Variants in ELP1 observed in about 807,000 individuals in gnomAD.
ELP1 encodes the protein elongator acetyltransferase complex subunit 1.
Under a neutral mutation model 183.2 loss-of-function variants are expected in ELP1, and 131 were observed. The ratio of observed to expected loss-of-function variants is 0.72; its 90% CI spans 0.62 to 0.83. The LOEUF is 0.83. Ranked by LOEUF, ELP1 falls within the 40% of genes least tolerant of loss-of-function variation. The pLI, the probability that ELP1 is intolerant of heterozygous loss-of-function variation, is 0.00. For missense variants in ELP1, 1,550 were observed against 1,594.9 expected, an observed-to-expected ratio of 0.97 and a Z score of 0.48; for synonymous variants, 555 against 569.0, an observed-to-expected ratio of 0.98 and a Z score of 0.35.
intron 13 of ELP1, among the ~76,000 whole-genome samples, chr9:108,907,565 C>T (rs1829065745): frequency 1.3e-5 from 2 of 152,094 alleles, no homozygotes; most frequent in Admixed American, 1.3e-4. Context: ...ATTAATCTAA[C>T]AATAAATGTT....
chr9:108,913,281 TTA>T (rs1324084923), intron 10 of ELP1, among the ~76,000 whole-genome samples: 1 of 152,198 alleles, frequency 6.6e-6, no homozygotes, highest in Non-Finnish European at 1.5e-5. Flanking sequence ...TTGCAAGCAC[TTA>T]TGTTCAAGGC....
chr9:108,894,256 C>T (rs1487163303), intron 25 of ELP1, among the ~76,000 whole-genome samples, 190 bp from the exon 26 acceptor site: 1 of 152,110 alleles, frequency 6.6e-6, no homozygotes, highest in Non-Finnish European at 1.5e-5. Flanking sequence ...GAATTGGTTC[C>T]AGGACACCCC....
At chr9:108,926,325 C>A (rs1251025451) in intron 5 of ELP1, among the ~76,000 whole-genome samples, 198 bp downstream of exon 5, 1 of 152,176 alleles carries the variant, frequency 6.6e-6, no homozygotes, top group Admixed American at 6.5e-5. Context: ...TGACCTTAAA[C>A]CCTCAGACCT....
chr9:108,912,569 G>A, intron 10 of ELP1, 75 bp from the exon 11 acceptor site: 1 of 1,038,180 alleles, frequency 9.6e-7, no homozygotes, highest in African/African-American at 1.6e-5. Flanking sequence ...AGGGGTTCAA[G>A]GGCAATCTTT....
chr9:108,926,450 A>ATTTG (rs922713993), intron 5 of ELP1, 73 bp downstream of exon 5: 2 of 1,083,278 alleles, frequency 1.8e-6, no homozygotes, highest in African/African-American at 3.1e-5. Context: ...TGACATGGCT[A>ATTTG]TTAGTGCACA....
intron 1 of ELP1, among the ~76,000 whole-genome samples, chr9:108,932,459 A>G (rs1464177182): frequency 1.3e-5 from 2 of 152,074 alleles, no homozygotes; most frequent in African/African-American, 4.8e-5. Context: ...CTCCTGCCTC[A>G]GCCTCCGGAG....
rs1303270517 is a variant in ELP1, at chr9:108,867,632, CAA to C, written c.*1481_*1482del. ...AGTTACCATGCTTATTTACCCATGCCAAAGAGTGATTACAAAGTACTTGCAGC... is the reference window on the plus strand; with the variant it reads ...AGTTACCATGCTTATTTACCCATGCCAGAGTGATTACAAAGTACTTGCAGC... On this transcript the variant is annotated 3_prime_UTR_variant, in exon 37 of 37. Transcript: ENST00000374647. 6.6e-6 allele frequency: 1 copy of C among 152,198 alleles called. No homozygotes were observed. Among genetic ancestry groups the C allele is most frequent in the Non-Finnish European group, 1.5e-5 (1 of 68,042 alleles). The allele number at this position is 152,198 out of a possible 1,614,324, so 9.4% of individuals were successfully genotyped here. A position where few individuals can be genotyped will look rare whatever the true frequency, so the allele number is the denominator to read the frequency against.
chr9:108,884,067 G>C (rs925020739), intron 29 of ELP1, among the ~76,000 whole-genome samples: 13 of 150,324 alleles, frequency 8.6e-5, no homozygotes, highest in Non-Finnish European at 1.5e-5. Flanking sequence ...ACTACATTCA[G>C]CTAGATTAAA....
At chr9:108,872,358 A>G (rs900121201) in intron 36 of ELP1, among the ~76,000 whole-genome samples, 11 of 152,178 alleles carry the variant, frequency 7.2e-5, no homozygotes, top group Admixed American at 1.3e-4. Context: ...ATTTAATACT[A>G]CATCTTTATG....
intron 29 of ELP1, among the ~76,000 whole-genome samples, chr9:108,883,673 A>C (rs925061786): frequency 3.9e-5 from 6 of 152,196 alleles, no homozygotes; most frequent in African/African-American, 1.4e-4. Context: ...TACTCTTGTA[A>C]GGTTTTTACA....
rs776303530 is a variant in ELP1, at chr9:108,869,071, G to A, written c.*44C>T. ...AGGGGTGGTAGGACAACAGGAATGA[G>A]TGGAAATGGTCTTCTCTGTCGGATC... On this transcript the variant is annotated 3_prime_UTR_variant, in exon 37 of 37. Coordinates refer to ENST00000374647, the MANE Select transcript of ELP1 (RefSeq NM_003640.5). 4 of 1,543,296 alleles carry A rather than the reference G, an allele frequency of 2.6e-6. No homozygotes were observed. In the South Asian group the frequency reaches 4.5e-5, roughly 17 times the overall value.
At position 108,896,455 on chromosome 9, in the gene ELP1, A is replaced by G. The variant is rs761928827; in HGVS notation, c.2736+41T>C. ...GCAGGGTTTCACACTATCATTATAT[A>G]AACAAGAACCAAATGGCATAAAAGT... On this transcript the variant is annotated intron_variant, in intron 25 of 36. Transcript: ENST00000374647. 3 of 1,601,812 alleles carry G rather than the reference A, an allele frequency of 1.9e-6. No homozygotes were observed. In the Admixed American group the frequency reaches 5.0e-5, roughly 27 times the overall value.
chr9:108,898,278 T>A (rs1385683429), intron 22 of ELP1, among the ~76,000 whole-genome samples: 1 of 152,194 alleles, frequency 6.6e-6, no homozygotes, highest in Non-Finnish European at 1.5e-5. Context: ...AAAAATCAAG[T>A]GAAATAATAA....
chr9:108,912,074 TG>T (rs1207201312), intron 11 of ELP1, among the ~76,000 whole-genome samples, 189 bp downstream of exon 11: 1 of 152,028 alleles, frequency 6.6e-6, no homozygotes, highest in African/African-American at 2.4e-5. Context: ...AGGAAACTGG[TG>T]GGGGAGGGGG....
chr9:108,877,920 G>T, intron 35 of ELP1, 75 bp downstream of exon 35: 1 of 1,498,280 alleles, frequency 6.7e-7, no homozygotes. Context: ...AAAACTTTTT[G>T]ACTTGGAGAT....
intron 10 of ELP1, among the ~76,000 whole-genome samples, chr9:108,914,873 C>CAAAGTG (rs1236373508): frequency 2.0e-5 from 3 of 152,168 alleles, no homozygotes; most frequent in African/African-American, 7.2e-5. Context: ...GATCCGCCCG[C>CAAAGTG]CTCGGCCTCC....
rs754743691 is a variant in ELP1 at position 108,908,380 on chromosome 9, G to C, written c.1385C>G (p.Thr462Arg). 4 of 1,613,974 alleles carry C rather than the reference G, an allele frequency of 2.5e-6. No homozygotes were observed. Among genetic ancestry groups the C allele is most frequent in the Non-Finnish European group, 3.4e-6 (4 of 1,179,978 alleles). The change falls in exon 13 of 37, where the codon ACA (threonine) becomes AGA (arginine). Residue 462 changes from threonine to arginine, a missense_variant. Coordinates refer to ENST00000374647, the MANE Select transcript of ELP1 (RefSeq NM_003640.5). ...TCCACCCACAGCTCCCAGTTTCACTGTAGGGTCAGCACTTGGACAATCACC... is the reference window on the plus strand; with the variant it reads ...TCCACCCACAGCTCCCAGTTTCACTCTAGGGTCAGCACTTGGACAATCACC... ...KCGDCPSADP[T>R]VKLGAVGGSG...
chr9:108,932,087 C>T (rs1279433007), intron 1 of ELP1, among the ~76,000 whole-genome samples: 1 of 152,192 alleles, frequency 6.6e-6, no homozygotes, highest in Admixed American at 6.5e-5. Context: ...CTTATTGTCA[C>T]TTTAATCCAA....
Position 108,906,404 on chromosome 9 carries a change from G to A in ELP1, c.1542C>T (p.Phe514=), listed in dbSNP as rs267602078. ...GLLTWIEEDV[F]LAVSHSEFSP... ...TGAACTCACTGTGGCTTACAGCCAGGAAGACGTCTTCTTCAATCCAAGTGA... is the reference window on the plus strand; with the variant it reads ...TGAACTCACTGTGGCTTACAGCCAGAAAGACGTCTTCTTCAATCCAAGTGA... The change falls in exon 14 of 37, where the codon TTC becomes TTT. Residue 514 remains phenylalanine (F), a synonymous_variant. Coordinates refer to ENST00000374647, the MANE Select transcript of ELP1 (RefSeq NM_003640.5). The A allele has an allele frequency of 1.2e-6, 2 of 1,614,094 alleles. No individual in the cohort carries two copies. Among genetic ancestry groups the A allele is most frequent in the Non-Finnish European group, 1.7e-6 (2 of 1,179,946 alleles).
Sources: allele counts gnomAD v4.1 joint callset (sites outside exome capture counted in the v4.1 genomes callset), GRCh38; gene constraint gnomAD v4.1.1; transcripts MANE v1.5; gene names NCBI Gene and HGNC (gene_info 2026-07-23, HGNC 2026-07-21).